The following JAKMIP1 variants were observed in gnomAD, a reference collection of about 807,000 sequenced individuals.
JAKMIP1 encodes the protein janus kinase and microtubule-interacting protein 1.
Under a neutral mutation model 113.0 loss-of-function variants are expected in JAKMIP1, and 33 were observed. That is an observed-to-expected ratio of 0.29 (90% CI 0.22 to 0.39). JAKMIP1 has a LOEUF of 0.39. JAKMIP1 is among the 10% of genes least tolerant of loss of function. JAKMIP1 has a pLI of 1.00. For missense variants in JAKMIP1, 813 were observed against 1,080.5 expected (o/e 0.75, Z 3.47); for synonymous variants, 480 against 459.9 (o/e 1.04, Z -0.56).
At chr4:6,189,415 G>T (rs1285795490) in intron 1 of JAKMIP1, among the ~76,000 whole-genome samples, 2 of 152,216 alleles carry the variant, frequency 1.3e-5, no homozygotes, top group Non-Finnish European at 2.9e-5. Flanking sequence ...ACTAGAGGTG[G>T]CTTCTGCAGA....
rs1578117941 is a variant in JAKMIP1, at chr4:6,059,383, C to G, written c.1644+1041G>C. Among the ~76,000 whole-genome samples the G allele has an allele frequency of 6.6e-6, 1 of 152,286 alleles. No individual in the cohort carries two copies. On this transcript the variant is annotated intron_variant, in intron 11 of 20. Coordinates refer to ENST00000409021, the MANE Select transcript of JAKMIP1 (RefSeq NM_001099433.2). The surrounding 1 kb of genome is among the most constrained non-coding windows in gnomAD (Gnocchi z 4.8). ...GCTTTGCAGTGCTCTTCTGGAGCTG[C>G]TTCTGTTAAGCCGCCTGGAACCTCT...
intron 1 of JAKMIP1, among the ~76,000 whole-genome samples, chr4:6,131,896 C>A (rs543059028): frequency 6.6e-6 from 1 of 152,230 alleles, no homozygotes; most frequent in Admixed American, 6.5e-5. Context: ...TTTCTCCAGA[C>A]AAACACAAAT....
rs1271885008 is a variant in JAKMIP1 at position 6,180,986 on chromosome 4, G to A, written c.-148+19267C>T. Among the ~76,000 whole-genome samples the A allele has an allele frequency of 2.0e-5, 3 of 152,040 alleles. No individual in the cohort carries two copies. The highest frequency in any genetic ancestry group is 4.4e-5 in the Non-Finnish European group (3 of 68,018). On this transcript the variant is annotated intron_variant, in intron 1 of 20. Coordinates refer to ENST00000409021, the MANE Select transcript of JAKMIP1 (RefSeq NM_001099433.2). This position sits in a 1 kb window ranked among gnomAD's most constrained non-coding sequence, Gnocchi z 4.5. Reference sequence around the variant, plus strand: ...GTCCCAGAAAAGGCCCCAGCCATCAGGTCGTTTCTGTCTCACCTCTGCTGA... The same window carrying A: ...GTCCCAGAAAAGGCCCCAGCCATCAAGTCGTTTCTGTCTCACCTCTGCTGA...
intron 1 of JAKMIP1, among the ~76,000 whole-genome samples, chr4:6,126,386 A>AAACACACATCC (rs1717624954): frequency 6.7e-6 from 1 of 148,806 alleles, no homozygotes; most frequent in African/African-American, 2.5e-5. Context: ...AACACACATC[A>AAACACACATCC]TACAGAAACA....
intron 1 of JAKMIP1, among the ~76,000 whole-genome samples, chr4:6,151,157 T>G (rs1302393425): frequency 6.6e-6 from 1 of 152,190 alleles, no homozygotes; most frequent in Non-Finnish European, 1.5e-5. Flanking sequence ...GACACGGCCA[T>G]AGCACCCTAC....
chr4:6,159,671 A>G (rs1722670647), intron 1 of JAKMIP1, among the ~76,000 whole-genome samples: 1 of 152,210 alleles, frequency 6.6e-6, no homozygotes, highest in East Asian at 1.9e-4. Context: ...AATGTTAAAG[A>G]TTTGCTGTTG....
rs1295772303 is a variant in JAKMIP1, at chr4:6,135,852, C to A, written c.-147-22855G>T. ...CTTACTAACAGTTTCAGATAGCCAC[C>A]TAACACCTTGGCAGAGGCTGGTGTC... On this transcript the variant is annotated intron_variant, in intron 1 of 20. Transcript: ENST00000409021. This position sits in a 1 kb window ranked among gnomAD's most constrained non-coding sequence, Gnocchi z 4.9. 2.6e-5 allele frequency among the ~76,000 whole-genome samples: 4 copies of A among 151,210 alleles called. No homozygotes were observed. Among genetic ancestry groups the A allele is most frequent in the African/African-American group, 9.8e-5 (4 of 40,992 alleles).
rs572940793 is a variant in JAKMIP1 at position 6,116,269 on chromosome 4, G to A, written c.-147-3272C>T. On this transcript the variant is annotated intron_variant, in intron 1 of 20. Coordinates refer to ENST00000409021, the MANE Select transcript of JAKMIP1 (RefSeq NM_001099433.2). The surrounding 1 kb of genome is among the most constrained non-coding windows in gnomAD (Gnocchi z 5.1). ...CCCTCTGGCTGCGGGCTGCCCAAAG[G>A]TCTCATCAGCAGGAGCAACAGCAGG... Among the ~76,000 whole-genome samples, 1 of 152,114 alleles carries A rather than the reference G, an allele frequency of 6.6e-6. No homozygotes were observed. The highest frequency in any genetic ancestry group is 6.6e-5 in the Admixed American group (1 of 15,262).
intron 4 of JAKMIP1, 141 bp downstream of exon 4, chr4:6,085,279 T>C (rs1394549250): frequency 6.1e-6 from 5 of 815,708 alleles, no homozygotes; most frequent in Non-Finnish European, 1.9e-6. Flanking sequence ...ACAAAGAACT[T>C]ATAACATCCC....
Position 6,197,967 on chromosome 4 carries a change from C to A in JAKMIP1, c.-148+2286G>T, listed in dbSNP as rs1204331322. On this transcript the variant is annotated intron_variant, in intron 1 of 20. Transcript: ENST00000409021. This position sits in a 1 kb window ranked among gnomAD's most constrained non-coding sequence, Gnocchi z 6.5. ...CCACTTCCTCGTGCAGCCTTCCTGG[C>A]CGGGCCGCCTGTCCCCATCTCTCCC... 6.6e-6 allele frequency among the ~76,000 whole-genome samples: 1 copy of A among 152,180 alleles called. No homozygotes were observed. The highest frequency in any genetic ancestry group is 1.5e-5 in the Non-Finnish European group (1 of 68,036).
chr4:6,165,156 A>G (rs1723463736), intron 1 of JAKMIP1, among the ~76,000 whole-genome samples: 1 of 152,202 alleles, frequency 6.6e-6, no homozygotes, highest in South Asian at 2.1e-4. Flanking sequence ...AGCCACCCCA[A>G]CCTTCAGCAA....
At chr4:6,037,030 T>C (rs6446441) in intron 18 of JAKMIP1, among the ~76,000 whole-genome samples, 1,146 of 131,942 alleles carry the variant, frequency 8.7e-3, no homozygotes, top group African/African-American at 0.017. Context: ...CCTCCATCAC[T>C]GAGGCAGAGG....
chr4:6,066,680 G>A (rs1052984915), intron 8 of JAKMIP1, among the ~76,000 whole-genome samples: 1 of 151,748 alleles, frequency 6.6e-6, no homozygotes, highest in Non-Finnish European at 1.5e-5. Context: ...GCCCTCCCTG[G>A]GAGAAACCCT....
intron 8 of JAKMIP1, among the ~76,000 whole-genome samples, chr4:6,068,257 T>C (rs1718453281): frequency 6.6e-6 from 1 of 152,188 alleles, no homozygotes; most frequent in South Asian, 2.1e-4. Context: ...TTGCCGCCTG[T>C]GTTTAAAGTA....
chr4:6,083,060 A>T (rs1267702899), intron 5 of JAKMIP1, among the ~76,000 whole-genome samples: 1 of 152,204 alleles, frequency 6.6e-6, no homozygotes, highest in Non-Finnish European at 1.5e-5. Flanking sequence ...TTATTTAAAC[A>T]TTAAGAACAT....
intron 1 of JAKMIP1, among the ~76,000 whole-genome samples, chr4:6,124,129 G>A (rs571659296): frequency 4.6e-5 from 7 of 152,310 alleles, no homozygotes; most frequent in Admixed American, 6.5e-5. Context: ...GCCCTGGCCC[G>A]GCTGTGTTCT....
chr4:6,144,554 G>C (rs1381372360), intron 1 of JAKMIP1, among the ~76,000 whole-genome samples: 1 of 152,188 alleles, frequency 6.6e-6, no homozygotes, highest in Non-Finnish European at 1.5e-5. Flanking sequence ...TATATCCCAG[G>C]AATGCAAAGT....
chr4:6,094,560 C>T lies in JAKMIP1; in HGVS notation c.625-8931G>A, dbSNP rs899200199. 2.0e-5 allele frequency among the ~76,000 whole-genome samples: 3 copies of T among 152,200 alleles called. No individual in the cohort carries two copies. The highest frequency in any genetic ancestry group is 7.2e-5 in the African/African-American group (3 of 41,452). On this transcript the variant is annotated intron_variant, in intron 3 of 20. Transcript: ENST00000409021. This position sits in a 1 kb window ranked among gnomAD's most constrained non-coding sequence, Gnocchi z 4.2. ...GGCTGGTCCATCGGCCCCTGTTCTCCTAGTTGAGATCCTGAGGCCCAAGGC... is the reference window on the plus strand; with the variant it reads ...GGCTGGTCCATCGGCCCCTGTTCTCTTAGTTGAGATCCTGAGGCCCAAGGC...
chr4:6,174,852 C>T (rs1725155167), intron 1 of JAKMIP1, among the ~76,000 whole-genome samples: 2 of 152,004 alleles, frequency 1.3e-5, no homozygotes, highest in Admixed American at 6.5e-5. Context: ...TGTTTTGCAC[C>T]CTGGCCCCTT....
Sources: allele counts gnomAD v4.1 joint callset (sites outside exome capture counted in the v4.1 genomes callset), GRCh38; gene constraint gnomAD v4.1.1; non-coding constraint Gnocchi (gnomAD v3.1); transcripts MANE v1.5; gene names NCBI Gene and HGNC (gene_info 2026-07-23, HGNC 2026-07-21).